The following BBS9 variants were observed in gnomAD, a reference collection of about 807,000 sequenced individuals.
BBS9 encodes the protein Bardet-Biedl syndrome 9.
In BBS9, 89 loss-of-function variants were observed where a neutral mutation model predicts 117.7. The ratio of observed to expected loss-of-function variants is 0.76; its 90% CI spans 0.64 to 0.90. The LOEUF (loss-of-function observed/expected upper bound fraction) is 0.90, where lower values mean the gene tolerates loss of function less well. Among genes scored for constraint, BBS9 ranks in the 40% least tolerant of loss-of-function variants. The pLI is 0.00. For synonymous variants in BBS9, 379 were observed against 370.9 expected, an observed-to-expected ratio of 1.02 and a Z score of -0.25; for missense variants, 982 against 1,042.2, an observed-to-expected ratio of 0.94 and a Z score of 0.80.
intron 8 of BBS9, 76 bp downstream of exon 8, chr7:33,273,271 T>C (rs1800155440): frequency 3.6e-6 from 5 of 1,392,006 alleles, no homozygotes; most frequent in Non-Finnish European, 5.1e-6. Flanking sequence ...GCCACACTCA[T>C]ACACATATTG....
chr7:33,304,696 A>G (rs1807493803), intron 9 of BBS9, among the ~76,000 whole-genome samples: 1 of 152,092 alleles, frequency 6.6e-6, no homozygotes, highest in Non-Finnish European at 1.5e-5. Context: ...GTCGAAAAGA[A>G]AAGGGGGAAA....
At chr7:33,301,188 G>A (rs1806345003) in intron 9 of BBS9, among the ~76,000 whole-genome samples, 1 of 151,936 alleles carries the variant, frequency 6.6e-6, no homozygotes, top group Middle Eastern at 3.2e-3. Context: ...GGCATGGAAT[G>A]CATGTTAAAA....
intron 9 of BBS9, among the ~76,000 whole-genome samples, chr7:33,278,853 T>C (rs541084069): frequency 6.6e-6 from 1 of 152,340 alleles, no homozygotes; most frequent in African/African-American, 2.4e-5. Flanking sequence ...CCCAAATTTG[T>C]AACTGTCTGA....
chr7:33,198,861 A>G (rs1289331414), intron 5 of BBS9, among the ~76,000 whole-genome samples: 2 of 151,970 alleles, frequency 1.3e-5, no homozygotes, highest in South Asian at 2.1e-4. Flanking sequence ...ATTTGTTATG[A>G]CCATTTCTAG....
In BBS9 at chr7:33,249,251, A is replaced by ACG. The variant is rs1554370706; in HGVS notation, c.443-7982_443-7981dup. ...GACACACACACACACACACACACAC[A>ACG]CGCGTACACTCCTACACTTCATGAA... On this transcript the variant is annotated intron_variant, in intron 5 of 22. Coordinates refer to ENST00000242067, the MANE Select transcript of BBS9 (RefSeq NM_198428.3). 4.6e-5 allele frequency among the ~76,000 whole-genome samples: 7 copies of ACG among 151,662 alleles called. No individual in the cohort carries two copies. In the South Asian group the frequency reaches 8.4e-4, roughly 18 times the overall value.
chr7:33,197,797 T>C (rs1785174999), intron 5 of BBS9, among the ~76,000 whole-genome samples: 1 of 152,132 alleles, frequency 6.6e-6, no homozygotes, highest in East Asian at 1.9e-4. Context: ...TTTTAAATTA[T>C]ACTGTTAAAA....
chr7:33,244,486 A>G (rs563465252), intron 5 of BBS9, among the ~76,000 whole-genome samples: 7 of 152,168 alleles, frequency 4.6e-5, no homozygotes, highest in Non-Finnish European at 8.8e-5. Context: ...AAAGAGTGAG[A>G]CTTAATAACT....
chr7:33,329,025 A>ATTTATTTATTTATTTG (rs1418494347), intron 9 of BBS9, among the ~76,000 whole-genome samples: 3 of 141,828 alleles, frequency 2.1e-5, no homozygotes, highest in East Asian at 2.1e-4. Context: ...TTATTTATTT[A>ATTTATTTATTTATTTG]TTTGTTTATT....
chr7:33,554,698 A>G (rs897037151), intron 21 of BBS9, among the ~76,000 whole-genome samples: 58 of 152,266 alleles, frequency 3.8e-4, no homozygotes, highest in African/African-American at 1.3e-3. Flanking sequence ...AGTGCTCCGG[A>G]GCTCAGGGGA....
chr7:33,536,358 A>C (rs1851368167), intron 21 of BBS9, among the ~76,000 whole-genome samples: 1 of 151,958 alleles, frequency 6.6e-6, no homozygotes, highest in Non-Finnish European at 1.5e-5. Flanking sequence ...TTAAATCAGC[A>C]CTTGTTGTCA....
At chr7:33,550,646 T>A (rs1270826072) in intron 21 of BBS9, among the ~76,000 whole-genome samples, 2 of 152,082 alleles carry the variant, frequency 1.3e-5, no homozygotes, top group Non-Finnish European at 2.9e-5. Flanking sequence ...AAAAAAAAAA[T>A]CTTTTCATAC....
At position 33,273,985 on chromosome 7, in the gene BBS9, A is replaced by G. The variant is rs116634807; in HGVS notation, c.1016+29A>G. ...AGTGATTTAATTTAACACAGTTTTT[A>G]AAGAGGATGTTAGTCAAGAAATTTT... On this transcript the variant is annotated intron_variant, in intron 9 of 22. Coordinates refer to ENST00000242067, the MANE Select transcript of BBS9 (RefSeq NM_198428.3). 622 of 1,611,342 alleles carry G rather than the reference A, an allele frequency of 3.9e-4. 1 individual carries two copies. The African/African-American group carries it at 7.0e-3, about 18-fold the overall frequency.
intron 1 of BBS9, among the ~76,000 whole-genome samples, chr7:33,137,266 G>A (rs1562653092): frequency 6.6e-6 from 1 of 152,196 alleles, no homozygotes; most frequent in Non-Finnish European, 1.5e-5. Context: ...CTGGGAGTTG[G>A]GAGAGGCCAG....
chr7:33,134,638 G>C (rs1790185342), intron 1 of BBS9, among the ~76,000 whole-genome samples: 1 of 152,046 alleles, frequency 6.6e-6, no homozygotes, highest in Non-Finnish European at 1.5e-5. Flanking sequence ...TGCTGCCCAA[G>C]CTGAGAGGTG....
intron 17 of BBS9, chr7:33,380,861 A>G (rs1824876602): frequency 6.6e-6 from 1 of 152,266 alleles, no homozygotes; most frequent in Admixed American, 6.5e-5. Flanking sequence ...ACAGCTGGCC[A>G]AACTCAGCTC....
intron 7 of BBS9, among the ~76,000 whole-genome samples, chr7:33,272,078 A>G (rs1799894718): frequency 1.3e-5 from 2 of 152,182 alleles, no homozygotes; most frequent in African/African-American, 2.4e-5. Flanking sequence ...GAATGAGATT[A>G]TGTCATTTGC....
intron 19 of BBS9, among the ~76,000 whole-genome samples, chr7:33,428,566 C>A (rs1251080652): frequency 6.6e-6 from 1 of 152,122 alleles, no homozygotes; most frequent in Admixed American, 6.5e-5. Flanking sequence ...AACTGAAGAA[C>A]ATGATTGACT....
chr7:33,616,309 A>T (rs1170526558), intron 21 of BBS9, among the ~76,000 whole-genome samples: 1 of 150,878 alleles, frequency 6.6e-6, no homozygotes, highest in Non-Finnish European at 1.5e-5. Context: ...GATACAAGAG[A>T]TGGGATGGAA....
chr7:33,421,192 T>G (rs1026081391), intron 19 of BBS9, among the ~76,000 whole-genome samples: 1 of 152,138 alleles, frequency 6.6e-6, no homozygotes, highest in African/African-American at 2.4e-5. Flanking sequence ...TTTTTTTTTT[T>G]TACTGTAAAC....
Sources: gnomAD v4.1 joint callset for allele counts (sites outside exome capture counted in the v4.1 genomes callset) on GRCh38, gnomAD v4.1.1 for gene constraint, MANE v1.5 for transcripts, NCBI Gene and HGNC (gene_info 2026-07-23, HGNC 2026-07-21) for gene names.